The following N4BP2 variants were observed in gnomAD, a reference collection of about 807,000 sequenced individuals.
N4BP2 encodes NEDD4-binding protein 2.
In N4BP2, 91 loss-of-function variants were observed where a neutral mutation model predicts 152.8. The observed-to-expected ratio is 0.60, with a 90% CI of 0.50 to 0.71. The LOEUF (loss-of-function observed/expected upper bound fraction) is 0.71, where lower values mean the gene tolerates loss of function less well. Ranked by LOEUF, N4BP2 falls within the 30% of genes least tolerant of loss-of-function variation. N4BP2 has a pLI of 0.00. For synonymous variants in N4BP2, 646 were observed against 705.3 expected (o/e 0.92, Z 1.33); for missense variants, 1,923 against 2,059.1 (o/e 0.93, Z 1.28).
chr4:40,137,113 G>T (rs368693476), intron 14 of N4BP2, 31 bp downstream of exon 14: 3 of 1,525,606 alleles, frequency 2.0e-6, no homozygotes, highest in African/African-American at 1.4e-5. Flanking sequence ...TTTCTACAAG[G>T]GTAGATAATT....
intron 16 of N4BP2, among the ~76,000 whole-genome samples, chr4:40,145,980 G>T (rs1208804927): frequency 6.6e-6 from 1 of 151,970 alleles, no homozygotes; most frequent in African/African-American, 2.4e-5. Flanking sequence ...TGGCCAACAT[G>T]GTGAAACCCC....
At position 40,091,602 on chromosome 4, in the gene N4BP2, C is replaced by CTTT. The variant is rs35142277; in HGVS notation, c.-114-5604_-114-5602dup. On this transcript the variant is annotated intron_variant, in intron 2 of 17. Transcript: ENST00000261435. ...CCCCATTTCATTATAGTATACAATCCTTTTTTTTTTTTTTTTTTTTTTTGA... is the reference window on the plus strand; with the variant it reads ...CCCCATTTCATTATAGTATACAATCCTTTTTTTTTTTTTTTTTTTTTTTTTTGA... Among the ~76,000 whole-genome samples the CTTT allele has an allele frequency of 4.6e-3, 373 of 80,418 alleles. 2 individuals carry two copies. The highest frequency in any genetic ancestry group is 6.1e-3 in the Non-Finnish European group (257 of 41,912). The allele number at this position is 80,418 out of a possible 152,430, so 52.8% of individuals were successfully genotyped here. A position where few individuals can be genotyped will look rare whatever the true frequency, so the allele number is the denominator to read the frequency against.
In N4BP2 at chr4:40,122,223, T is replaced by C. The variant is rs756662869; in HGVS notation, c.4112T>C (p.Leu1371Pro). ...CCCACTCCAGCGATGGCCAAATCTCTGACCATAGACTGTCTGGAATTGGCA... is the reference window on the plus strand; with the variant it reads ...CCCACTCCAGCGATGGCCAAATCTCCGACCATAGACTGTCTGGAATTGGCA... ...LNPTPAMAKS[L>P]TIDCLELALP... is the part of the protein sequence containing the mutation. The change falls in exon 9 of 18, where the codon CTG becomes CCG. Residue 1371 changes from leucine to proline, a missense_variant. Coordinates refer to ENST00000261435, the MANE Select transcript of N4BP2 (RefSeq NM_018177.6). 6.2e-7 allele frequency: 1 copy of C among 1,613,732 alleles called. No homozygotes were observed. The highest frequency in any genetic ancestry group is 1.1e-5 in the South Asian group (1 of 91,048).
chr4:40,135,935 A>G (rs1229442121), intron 13 of N4BP2, among the ~76,000 whole-genome samples: 1 of 152,194 alleles, frequency 6.6e-6, no homozygotes, highest in African/African-American at 2.4e-5. Flanking sequence ...GGAAGAGGTG[A>G]GAGACATAAA....
In N4BP2 at chr4:40,097,283, C is replaced by T; in HGVS notation, c.-58C>T. The T allele has an allele frequency of 6.9e-7, 1 of 1,450,548 alleles. No homozygotes were observed. The highest frequency in any genetic ancestry group is 1.2e-5 in the South Asian group (1 of 85,532). The allele number at this position is 1,450,548 out of a possible 1,614,324, so 89.9% of individuals were successfully genotyped here. ...TAACCCTATTTTGTTTGAATTATGA[C>T]TTAAATGTCAAACATCTTAACTAAG... On this transcript the variant is annotated 5_prime_UTR_variant, in exon 3 of 18. Transcript: ENST00000261435.
Position 40,103,058 on chromosome 4 carries a change from A to G in N4BP2, c.1213A>G (p.Thr405Ala). 6.2e-7 allele frequency: 1 copy of G among 1,614,152 alleles called. No individual in the cohort carries two copies. Among genetic ancestry groups the G allele is most frequent in the East Asian group, 2.2e-5 (1 of 44,888 alleles). ...YTFPPSVISH[T>A]SPTKVWRNKD... Reference sequence around the variant, plus strand: ...ATTTCCACCCTCAGTTATTTCTCACACTTCCCCAACAAAAGTATGGAGAAA... The same window carrying G: ...ATTTCCACCCTCAGTTATTTCTCACGCTTCCCCAACAAAAGTATGGAGAAA... Residue 405 changes from threonine to alanine, a missense_variant, in exon 4 of 18, where the codon ACT (threonine) becomes GCT (alanine). Physicochemically the swap from Thr to Ala is moderately conservative, Grantham distance 58 (BLOSUM62 0). Transcript: ENST00000261435.
the N4BP2 span, among the ~76,000 whole-genome samples, chr4:40,189,521 C>T: frequency 6.6e-6 from 1 of 152,158 alleles, no homozygotes; most frequent in Non-Finnish European, 1.5e-5. This position sits in a 1 kb window ranked among gnomAD's most constrained non-coding sequence, Gnocchi z 4.3. Context: ...GACTGTGCAT[C>T]AGCAAGGAGG....
At chr4:40,175,296 T>A in the N4BP2 span, among the ~76,000 whole-genome samples, 1 of 146,340 alleles carries the variant, frequency 6.8e-6, no homozygotes, top group African/African-American at 2.5e-5. Context: ...GTGCTAGGAT[T>A]ATAGGCATGA....
chr4:40,147,031 T>C (rs1470480722), intron 16 of N4BP2, among the ~76,000 whole-genome samples: 11 of 150,578 alleles, frequency 7.3e-5, no homozygotes, highest in Middle Eastern at 3.4e-3. Context: ...CAAAGGTCTC[T>C]GGTTTTCCTA....
Position 40,126,349 on chromosome 4 carries a change from A to G in N4BP2, c.4527+19A>G. 3 of 1,238,176 alleles carry G rather than the reference A, an allele frequency of 2.4e-6. No homozygotes were observed. The highest frequency in any genetic ancestry group is 1.5e-5 in the African/African-American group (1 of 65,122). 76.7% of individuals were successfully genotyped at this position (1,238,176 alleles called of 1,614,324 possible). ...TAATTTGGTATGAATTAATATAAAT[A>G]TTAAGCTACTGTCTCTGATTCTGGT... On this transcript the variant is annotated intron_variant, in intron 12 of 17. Transcript: ENST00000261435.
At chr4:40,144,840 G>A in intron 16 of N4BP2, 40 bp downstream of exon 16, 2 of 1,526,718 alleles carry the variant, frequency 1.3e-6, no homozygotes, top group Non-Finnish European at 8.8e-7. Flanking sequence ...TAGAATATAT[G>A]TCTTTGCTTA....
intron 2 of N4BP2, among the ~76,000 whole-genome samples, chr4:40,085,016 G>A (rs915929822): frequency 6.0e-5 from 9 of 150,948 alleles, no homozygotes; most frequent in African/African-American, 2.0e-4. Flanking sequence ...AGGTTCAAGC[G>A]ATTCTCCTGC....
chr4:40,109,352 G>C (rs907083294), intron 5 of N4BP2, among the ~76,000 whole-genome samples: 25 of 152,150 alleles, frequency 1.6e-4, no homozygotes, highest in Non-Finnish European at 2.8e-4. Context: ...CCAAGGCCCA[G>C]TGTCCCCTTT....
Position 40,122,310 on chromosome 4 carries a change from G to T in N4BP2, c.4198+1G>T. 3.9e-6 allele frequency: 6 copies of T among 1,543,796 alleles called. No homozygotes were observed. Among genetic ancestry groups the T allele is most frequent in the Non-Finnish European group, 5.3e-6 (6 of 1,140,008 alleles). ...TTTGGTCCTGTTGGTATTGATTCAG[G>T]TAAGGAAAAAGTAAATGACCATGTG... On this transcript the variant is annotated splice_donor_variant, in intron 9 of 17. Coordinates refer to ENST00000261435, the MANE Select transcript of N4BP2 (RefSeq NM_018177.6). LOFTEE classifies it high-confidence loss of function.
intron 1 of N4BP2, among the ~76,000 whole-genome samples, chr4:40,068,082 T>G (rs1711736791): frequency 6.6e-6 from 1 of 152,218 alleles, no homozygotes; most frequent in Non-Finnish European, 1.5e-5. Flanking sequence ...GTGATAAGTA[T>G]CTTTTCATAT....
chr4:40,187,287 A>AAAAC, the N4BP2 span, among the ~76,000 whole-genome samples: 1 of 152,028 alleles, frequency 6.6e-6, no homozygotes, highest in African/African-American at 2.4e-5. Context: ...GGAATCTTTA[A>AAAAC]AAACAAACAA....
chr4:40,121,203 A>G lies in N4BP2; in HGVS notation c.3092A>G (p.Asn1031Ser). The change falls in exon 9 of 18, where the codon AAT (asparagine) becomes AGT (serine). Residue 1031 changes from asparagine (N) to serine (S), a missense_variant. Physicochemically the swap from Asn to Ser is conservative, Grantham distance 46. Coordinates refer to ENST00000261435, the MANE Select transcript of N4BP2 (RefSeq NM_018177.6). ...GCTCTTTTATGGAAAATAGAAAAGA[A>G]TAAAATTAGCATTTCAGATTCTATC... Reference protein sequence around the residue: ...DFALLWKIEKNKISISDSIKV... With the variant: ...DFALLWKIEKSKISISDSIKV... 6.2e-7 allele frequency: 1 copy of G among 1,614,018 alleles called. No individual in the cohort carries two copies. Among genetic ancestry groups the G allele is most frequent in the Middle Eastern group, 1.6e-4 (1 of 6,062 alleles).
At chr4:40,072,676 G>A (rs181209241) in intron 1 of N4BP2, among the ~76,000 whole-genome samples, 19 of 151,018 alleles carry the variant, frequency 1.3e-4, no homozygotes, top group Admixed American at 1.1e-3. Flanking sequence ...GACTACACTC[G>A]TGAGCTACCA....
intron 2 of N4BP2, among the ~76,000 whole-genome samples, chr4:40,091,338 C>T (rs1223663114): frequency 6.6e-6 from 1 of 151,548 alleles, no homozygotes; most frequent in African/African-American, 2.4e-5. Flanking sequence ...TGCCTTTTTC[C>T]TGATGTTAGG....
Sources: allele counts gnomAD v4.1 joint callset (sites outside exome capture counted in the v4.1 genomes callset), GRCh38; gene constraint gnomAD v4.1.1; non-coding constraint Gnocchi (gnomAD v3.1); transcripts MANE v1.5; gene names NCBI Gene and HGNC (gene_info 2026-07-23, HGNC 2026-07-21).